The following BUB1 variants were observed in gnomAD, a reference collection of about 807,000 sequenced individuals.
The protein encoded by BUB1 is BUB1 mitotic checkpoint serine/threonine kinase.
A neutral mutation model predicts 135.2 loss-of-function variants in BUB1; 84 were observed. The observed-to-expected ratio is 0.62, with a 90% CI of 0.52 to 0.74. The LOEUF is 0.74. Among genes scored for constraint, BUB1 ranks in the 30% least tolerant of loss-of-function variants. The pLI is 0.00. For synonymous variants in BUB1, 403 were observed against 434.4 expected, an observed-to-expected ratio of 0.93 and a Z score of 0.90; for missense variants, 1,162 against 1,288.3, an observed-to-expected ratio of 0.90 and a Z score of 1.50.
Position 110,642,140 on chromosome 2 carries a change from ATTTT to A in BUB1, c.2438_2441del (p.Lys813IlefsTer7). 1.2e-6 allele frequency: 2 copies of A among 1,609,526 alleles called. No individual in the cohort carries two copies. Among genetic ancestry groups the A allele is most frequent in the Non-Finnish European group, 1.7e-6 (2 of 1,178,078 alleles). ...TTACCTTTAAAACAAATTTCTGTTT[ATTTT>A]TAGCATCATTCAGATCTCCCTGGGT... On this transcript the variant is annotated frameshift_variant, in exon 20 of 25. Transcript: ENST00000302759. LOFTEE classifies it high-confidence loss of function.
In BUB1 at chr2:110,657,094, G is replaced by T; in HGVS notation, c.1640C>A (p.Pro547His). ...TTCTCCAAAGGTCCTGGCTCCTGTG[G>T]GTTTATTTTTAGGCTGTGGTAATCT... is the stretch of plus-strand genomic sequence containing the variant. The part of the protein sequence containing the change: ...NYGLPQPKNK[P>H]TGARTFGERS... Residue 547 changes from proline (P) to histidine (H), a missense_variant, in exon 15 of 25, where the codon CCC becomes CAC. By Grantham distance (77) the Pro-to-His change is moderately conservative (BLOSUM62 -2). Transcript: ENST00000302759. The T allele has an allele frequency of 6.2e-7, 1 of 1,612,828 alleles. No individual in the cohort carries two copies. Among genetic ancestry groups the T allele is most frequent in the South Asian group, 1.1e-5 (1 of 90,842 alleles).
intron 19 of BUB1, among the ~76,000 whole-genome samples, chr2:110,645,639 G>A (rs988232319): frequency 6.6e-6 from 1 of 151,432 alleles, no homozygotes; most frequent in African/African-American, 2.4e-5. Flanking sequence ...ATGTTCCCTG[G>A]CTAATCTGAA....
At position 110,658,464 on chromosome 2, in the gene BUB1, C is replaced by T. The variant is rs769233054; in HGVS notation, c.1462G>A (p.Asp488Asn). 2.2e-5 allele frequency: 35 copies of T among 1,614,056 alleles called. No homozygotes were observed. The highest frequency in any genetic ancestry group is 2.9e-5 in the Non-Finnish European group (34 of 1,179,990). The change falls in exon 13 of 25, where the codon GAT (aspartate) becomes AAT (asparagine). Residue 488 changes from aspartate (D) to asparagine (N), a missense_variant. Asp to Asn is a conservative substitution (Grantham distance 23). Transcript: ENST00000302759. The part of the protein sequence containing the change: ...PTLPDISDDK[D>N]EWQSLDQNED... ...TTTTGATCTAGAGATTGCCATTCAT[C>T]TTTGTCATCAGAAATATCAGGAAGT... is the stretch of plus-strand genomic sequence containing the variant.
chr2:110,641,503 C>A, intron 21 of BUB1, 39 bp from the exon 22 acceptor site: 1 of 1,576,746 alleles, frequency 6.3e-7, no homozygotes, highest in Non-Finnish European at 8.6e-7. Flanking sequence ...GTTAGTTGCA[C>A]AAGATTAATA....
chr2:110,672,514 G>GT, intron 4 of BUB1, 147 bp downstream of exon 4: 5 of 723,852 alleles, frequency 6.9e-6, no homozygotes, highest in East Asian at 3.1e-5. Flanking sequence ...TTTCTGAGCA[G>GT]TTTTTTTCTT....
intron 11 of BUB1, among the ~76,000 whole-genome samples, chr2:110,659,607 T>A (rs934849905): frequency 6.6e-6 from 1 of 152,198 alleles, no homozygotes; most frequent in African/African-American, 2.4e-5. Context: ...ATAAGACTTA[T>A]CTCCTATGCA....
Position 110,653,420 on chromosome 2 carries a change from T to C in BUB1, c.1964+16A>G. ...AAATGAAGAGAATGGCAGAACCAAA[T>C]AAACCCTCACAATACCTGAATTTTC... On this transcript the variant is annotated intron_variant, in intron 17 of 24. Transcript: ENST00000302759. The C allele has an allele frequency of 2.5e-6, 4 of 1,608,168 alleles. No individual in the cohort carries two copies. The highest frequency in any genetic ancestry group is 3.4e-6 in the Non-Finnish European group (4 of 1,174,900).
At chr2:110,659,846 C>T (rs745736587) in intron 11 of BUB1, 132 bp downstream of exon 11, 12 of 559,880 alleles carry the variant, frequency 2.1e-5, no homozygotes, top group Admixed American at 3.5e-5. Flanking sequence ...ATAACCTATA[C>T]TCTAAGAATA....
chr2:110,657,208 CTATT>C lies in BUB1; in HGVS notation c.1617-95_1617-92del, dbSNP rs1689956674. 4.8e-6 allele frequency: 5 copies of C among 1,046,058 alleles called. No individual in the cohort carries two copies. The Admixed American group carries it at 7.2e-5, about 15-fold the overall frequency. The allele number at this position is 1,046,058 out of a possible 1,614,324, so 64.8% of individuals were successfully genotyped here. On this transcript the variant is annotated intron_variant, in intron 14 of 24. Coordinates refer to ENST00000302759, the MANE Select transcript of BUB1 (RefSeq NM_004336.5). Reference sequence around the variant, plus strand: ...CCATTAGAAAAGTTCTCTACTTATCCTATTTAATGAGTTAATCTTTATATAGATA... The same window carrying C: ...CCATTAGAAAAGTTCTCTACTTATCCTAATGAGTTAATCTTTATATAGATA...
intron 19 of BUB1, 63 bp from the exon 20 acceptor site, chr2:110,642,297 A>G: frequency 8.6e-7 from 1 of 1,166,522 alleles, no homozygotes. Context: ...TTTTCAATTT[A>G]CAAAGAAGTT....
chr2:110,666,282 G>A lies in BUB1; in HGVS notation c.938C>T (p.Ala313Val), dbSNP rs1690253475. The change falls in exon 9 of 25, where the codon GCT becomes GTT. Residue 313 changes from alanine to valine, a missense_variant. Coordinates refer to ENST00000302759, the MANE Select transcript of BUB1 (RefSeq NM_004336.5). ...ACATACCTCGGACCTTTCCTGGGAA[G>A]CGGGCAGATCCTCATGGGATGTCTC... ...VVETSHEDLP[A>V]SQERSEVNPA... 2 of 1,448,322 alleles carry A rather than the reference G, an allele frequency of 1.4e-6. No homozygotes were observed. 89.7% of individuals were successfully genotyped at this position (1,448,322 alleles called of 1,614,324 possible).
chr2:110,666,174 T>G, intron 9 of BUB1, 89 bp downstream of exon 9: 1 of 1,227,544 alleles, frequency 8.1e-7, no homozygotes, highest in Non-Finnish European at 1.0e-6. Flanking sequence ...AACATCAGAA[T>G]TAACTCTAAA....
chr2:110,639,929 G>A (rs766567725), intron 23 of BUB1, 81 bp from the exon 24 acceptor site: 8 of 1,159,686 alleles, frequency 6.9e-6, no homozygotes, highest in Admixed American at 3.4e-5. Context: ...AACTTAGGCA[G>A]CAAGTTAAAT....
Position 110,639,778 on chromosome 2 carries a change from T to C in BUB1, c.3026A>G (p.Glu1009Gly), listed in dbSNP as rs1440014720. The change falls in exon 24 of 25, where the codon GAA (glutamate) becomes GGA (glycine). Residue 1009 changes from glutamate to glycine, a missense_variant. Glu to Gly is a moderately conservative substitution (Grantham distance 98). Transcript: ENST00000302759. The part of the protein sequence containing the change: ...LFGTYMKVKN[E>G]GGECKPEGLF... The stretch of plus-strand genomic sequence containing the variant: ...ACCTTCAGGCTTACACTCTCCTCCT[T>C]CATTTTTCACTTTCATGTAAGTGCC... 1 of 1,614,030 alleles carries C rather than the reference T, an allele frequency of 6.2e-7. No homozygotes were observed. The highest frequency in any genetic ancestry group is 1.1e-5 in the South Asian group (1 of 91,072).
At chr2:110,666,017 TATAA>T (rs1177363678) in intron 9 of BUB1, 45 of 348,530 alleles carry the variant, frequency 1.3e-4, no homozygotes, top group African/African-American at 8.6e-4. Flanking sequence ...AAGGTCTATA[TATAA>T]ATACATGAAT....
chr2:110,641,526 G>A, intron 21 of BUB1, 62 bp from the exon 22 acceptor site: 1 of 1,560,976 alleles, frequency 6.4e-7, no homozygotes, highest in Non-Finnish European at 8.6e-7. Context: ...ATTTCAAATT[G>A]AGAGCTTTGC....
intron 8 of BUB1, 83 bp downstream of exon 8, chr2:110,667,438 T>C: frequency 7.5e-7 from 1 of 1,331,844 alleles, no homozygotes; most frequent in South Asian, 1.4e-5. Flanking sequence ...CATAGTCAAT[T>C]ATTCTTTAAA....
intron 18 of BUB1, among the ~76,000 whole-genome samples, chr2:110,650,207 C>CGGGGG (rs796197770): frequency 4.4e-5 from 1 of 22,780 alleles, no homozygotes; most frequent in African/African-American, 1.1e-4. Context: ...AGGGGGTGGG[C>CGGGGG]GGGGGGGGGT....
rs189114463 is a variant in BUB1 at position 110,659,419 on chromosome 2, A to T, written c.1276+559T>A. Reference sequence around the variant, plus strand: ...GTGGAGATTTTTTGTTCATGACTTCATCCCTAACTATGTATAACAGTGCCT... The same window carrying T: ...GTGGAGATTTTTTGTTCATGACTTCTTCCCTAACTATGTATAACAGTGCCT... On this transcript the variant is annotated intron_variant, in intron 11 of 24. Coordinates refer to ENST00000302759, the MANE Select transcript of BUB1 (RefSeq NM_004336.5). Among the ~76,000 whole-genome samples, 110 of 152,140 alleles carry T rather than the reference A, an allele frequency of 7.2e-4. 1 individual carries two copies. Among genetic ancestry groups the T allele is most frequent in the African/African-American group, 2.5e-3 (104 of 41,484 alleles).
Sources: allele counts gnomAD v4.1 joint callset (sites outside exome capture counted in the v4.1 genomes callset), GRCh38; gene constraint gnomAD v4.1.1; transcripts MANE v1.5; gene names NCBI Gene and HGNC (gene_info 2026-07-23, HGNC 2026-07-21).